Variants in CREB5 observed in about 807,000 individuals in gnomAD.
The protein encoded by CREB5 is cAMP responsive element binding protein 5.
A neutral mutation model predicts 57.1 loss-of-function variants in CREB5; 19 were observed. The ratio of observed to expected loss-of-function variants is 0.33; its 90% CI spans 0.23 to 0.49. CREB5 has a LOEUF of 0.49. CREB5 is among the 20% of genes least tolerant of loss of function. The pLI is 0.99. For missense variants in CREB5, 579 were observed against 671.6 expected (o/e 0.86, Z 1.52); for synonymous variants, 238 against 238.3 (o/e 1.00, Z 0.01).
chr7:28,560,754 T>C (rs1287828600), intron 4 of CREB5, among the ~76,000 whole-genome samples: 2 of 151,688 alleles, frequency 1.3e-5, no homozygotes, highest in Admixed American at 6.6e-5. Flanking sequence ...CTTCAGAACA[T>C]GGTATAATTG....
At position 28,740,268 on chromosome 7, in the gene CREB5, G is replaced by C. The variant is rs78729322; in HGVS notation, c.702+15936G>C. Among the ~76,000 whole-genome samples, 3 of 152,270 alleles carry C rather than the reference G, an allele frequency of 2.0e-5. No homozygotes were observed. The East Asian group carries it at 5.8e-4, about 29-fold the overall frequency. ...GATAAATTTATGAATTTTGTTCTCT[G>C]AATTGTATAATTCAGGTCTTATGAA... On this transcript the variant is annotated intron_variant, in intron 7 of 10. Transcript: ENST00000357727.
intron 9 of CREB5, among the ~76,000 whole-genome samples, chr7:28,810,671 G>A (rs1809062014): frequency 1.3e-5 from 2 of 149,570 alleles, no homozygotes; most frequent in Non-Finnish European, 3.0e-5. Flanking sequence ...ACTCCAGCCT[G>A]GGCAACAGGG....
intron 1 of CREB5, among the ~76,000 whole-genome samples, chr7:28,471,929 CAAT>C (rs1790830722): frequency 6.7e-6 from 1 of 149,930 alleles, no homozygotes; most frequent in Admixed American, 6.7e-5. Flanking sequence ...TATAAAATCA[CAAT>C]AAGATAAAAC....
chr7:28,597,158 C>T (rs1796717001), intron 5 of CREB5, among the ~76,000 whole-genome samples: 1 of 152,170 alleles, frequency 6.6e-6, no homozygotes, highest in Admixed American at 6.6e-5. Flanking sequence ...TTTCTTTTCC[C>T]TGCTACAAAA....
At position 28,817,694 on chromosome 7, in the gene CREB5, G is replaced by A. The variant is rs770718273; in HGVS notation, c.1255-377G>A. The stretch of plus-strand genomic sequence containing the variant: ...TAATCCTCATAGTAACACAAATAAT[G>A]TACTCTTCTTATCCCCATCTTATAA... On this transcript the variant is annotated intron_variant, in intron 9 of 10. Transcript: ENST00000357727. 2.0e-5 allele frequency among the ~76,000 whole-genome samples: 3 copies of A among 152,248 alleles called. No homozygotes were observed. In the East Asian group the frequency reaches 5.8e-4, roughly 29 times the overall value.
At chr7:28,380,446 T>C (rs188635765) in intron 1 of CREB5, among the ~76,000 whole-genome samples, 103 of 152,298 alleles carry the variant, frequency 6.8e-4, no homozygotes, top group African/African-American at 2.3e-3. Context: ...CCAGGTCTGC[T>C]GCGATGGTGC....
intron 7 of CREB5, among the ~76,000 whole-genome samples, chr7:28,795,742 A>T (rs1417853839): frequency 2.7e-5 from 4 of 148,684 alleles, no homozygotes; most frequent in African/African-American, 1.0e-4. Context: ...AATAAAATTA[A>T]CTGTTTTTCT....
intron 1 of CREB5, among the ~76,000 whole-genome samples, chr7:28,472,412 A>G (rs1790863750): frequency 6.6e-6 from 1 of 152,190 alleles, no homozygotes; most frequent in Non-Finnish European, 1.5e-5. Flanking sequence ...ATCTCTATTT[A>G]TAGATGAGGA....
Position 28,299,903 on chromosome 7 carries a change from C to T in CREB5, c.-25+462C>T, listed in dbSNP as rs112605722. ...GTCTTGAAATTGAATCTACATGTTG[C>T]GTATTGTAAGAATCAATCTATACCA... On this transcript the variant is annotated intron_variant, in intron 1 of 9. Coordinates refer to the CREB5 transcript ENST00000396299. Among the ~76,000 whole-genome samples the T allele has an allele frequency of 4.6e-5, 7 of 152,028 alleles. No individual in the cohort carries two copies. The South Asian group carries it at 1.0e-3, about 23-fold the overall frequency.
chr7:28,755,995 A>G (rs900241183), intron 7 of CREB5, among the ~76,000 whole-genome samples: 4 of 152,208 alleles, frequency 2.6e-5, no homozygotes, highest in Admixed American at 6.5e-5. Flanking sequence ...AATGTATTCT[A>G]TCTTCTCAAG....
At chr7:28,494,873 T>C in intron 2 of CREB5, 33 bp from the exon 3 acceptor site, 1 of 1,402,006 alleles carries the variant, frequency 7.1e-7, no homozygotes, top group Non-Finnish European at 9.5e-7. Context: ...TGGCTCCTCT[T>C]CTCCCCTCCC....
rs190773668 is a variant in CREB5 at position 28,642,368 on chromosome 7, C to T, written c.464+71831C>T. Among the ~76,000 whole-genome samples the T allele has an allele frequency of 5.5e-3, 843 of 152,220 alleles. 2 individuals carry two copies. The highest frequency in any genetic ancestry group is 6.3e-3 in the Non-Finnish European group (428 of 68,010). On this transcript the variant is annotated intron_variant, in intron 5 of 10. Coordinates refer to ENST00000357727, the MANE Select transcript of CREB5 (RefSeq NM_182898.4). ...AGCTGTTAAAATCTATATGCCCCGCCCTCACCCTTCTCCCAGTCCCAAGAG... is the reference window on the plus strand; with the variant it reads ...AGCTGTTAAAATCTATATGCCCCGCTCTCACCCTTCTCCCAGTCCCAAGAG...
At chr7:28,324,211 C>G (rs1261903145) in intron 1 of CREB5, among the ~76,000 whole-genome samples, 1 of 152,142 alleles carries the variant, frequency 6.6e-6, no homozygotes, top group Non-Finnish European at 1.5e-5. Context: ...ATAAAACAAA[C>G]CTTACATGAT....
At chr7:28,797,224 C>T (rs1184906711) in intron 7 of CREB5, among the ~76,000 whole-genome samples, 1 of 152,152 alleles carries the variant, frequency 6.6e-6, no homozygotes, top group Non-Finnish European at 1.5e-5. Context: ...AATTCTTTTT[C>T]TTGCTTACAT....
chr7:28,465,466 G>C (rs955729903), intron 1 of CREB5, among the ~76,000 whole-genome samples: 1 of 152,168 alleles, frequency 6.6e-6, no homozygotes, highest in African/African-American at 2.4e-5. Flanking sequence ...AGGATTCACA[G>C]GTGTTTAGAT....
chr7:28,387,641 G>T (rs1206442222), intron 1 of CREB5, among the ~76,000 whole-genome samples: 3 of 152,060 alleles, frequency 2.0e-5, no homozygotes, highest in Non-Finnish European at 4.4e-5. Context: ...AGAGGGTGGA[G>T]GGGGAGGAGG....
At chr7:28,745,356 G>A (rs751509356) in intron 7 of CREB5, among the ~76,000 whole-genome samples, 1 of 152,194 alleles carries the variant, frequency 6.6e-6, no homozygotes, top group East Asian at 1.9e-4. Flanking sequence ...TCCTTGTGCT[G>A]TATCTCTACA....
intron 5 of CREB5, among the ~76,000 whole-genome samples, chr7:28,705,943 T>C (rs1054180466): frequency 2.4e-4 from 37 of 152,224 alleles, no homozygotes; most frequent in Admixed American, 2.2e-3. Flanking sequence ...CAATTGTACT[T>C]ATAAATACCC....
intron 1 of CREB5, among the ~76,000 whole-genome samples, chr7:28,378,991 G>A (rs1323087984): frequency 6.6e-6 from 1 of 152,222 alleles, no homozygotes; most frequent in Non-Finnish European, 1.5e-5. Context: ...CTGGCTCCCA[G>A]TGATCACTGT....
Sources: allele counts gnomAD v4.1 joint callset (sites outside exome capture counted in the v4.1 genomes callset), GRCh38; gene constraint gnomAD v4.1.1; transcripts MANE v1.5; gene names NCBI Gene and HGNC (gene_info 2026-07-23, HGNC 2026-07-21).